Variants in TOX2 observed in about 807,000 individuals in gnomAD.
The protein encoded by TOX2 is granulosa cell HMG box 1.
TOX2 carries 15 observed loss-of-function variants against 47.4 expected under a neutral mutation model. The ratio of observed to expected loss-of-function variants is 0.32; its 90% CI spans 0.21 to 0.49. The LOEUF (loss-of-function observed/expected upper bound fraction) is 0.49. Ranked by LOEUF, TOX2 falls within the 20% of genes least tolerant of loss-of-function variation. The probability of loss-of-function intolerance (pLI) is 0.99; values close to 1 mark genes in which losing one functional copy is unlikely to be tolerated. For synonymous variants in TOX2, 290 were observed against 296.6 expected (o/e 0.98, Z 0.23); for missense variants, 622 against 673.1 (o/e 0.92, Z 0.84).
chr20:43,989,406 C>A (rs2070329375), intron 2 of TOX2, among the ~76,000 whole-genome samples: 1 of 152,192 alleles, frequency 6.6e-6, no homozygotes, highest in Non-Finnish European at 1.5e-5. Flanking sequence ...GGAGCCCAGT[C>A]CCTTCTATTT....
chr20:43,977,171 C>T (rs760609928), intron 2 of TOX2, among the ~76,000 whole-genome samples: 5 of 152,128 alleles, frequency 3.3e-5, no homozygotes, highest in African/African-American at 4.8e-5. Context: ...AGCTTGATCT[C>T]GGCTCACTGC....
intron 3 of TOX2, among the ~76,000 whole-genome samples, chr20:44,042,602 G>A (rs576991191): frequency 2.0e-5 from 3 of 152,272 alleles, no homozygotes; most frequent in Admixed American, 6.5e-5. Context: ...TGAAGAAAGT[G>A]GAAAATGTTC....
At chr20:43,954,134 C>T (rs907852929) in intron 1 of TOX2, among the ~76,000 whole-genome samples, 2 of 152,312 alleles carry the variant, frequency 1.3e-5, no homozygotes, top group African/African-American at 2.4e-5. Context: ...CCCCAAATCA[C>T]GTCCTTGCCT....
intron 1 of TOX2, chr20:43,945,843 G>A: frequency 6.3e-7 from 1 of 1,594,204 alleles, no homozygotes; most frequent in Admixed American, 1.7e-5. Flanking sequence ...GCCAATAGAG[G>A]ACCAAGAGTT....
Position 44,059,839 on chromosome 20 carries a change from A to C in TOX2, c.880-4938A>C, listed in dbSNP as rs1486743419. On this transcript the variant is annotated intron_variant, in intron 5 of 8. Coordinates refer to ENST00000341197, the MANE Select transcript of TOX2 (RefSeq NM_001098797.2). The stretch of plus-strand genomic sequence containing the variant: ...CTCACAGGACCTCTAAAATAATAAC[A>C]CAATTTTTTAAAAACCACAAGGTAT... 2.6e-5 allele frequency among the ~76,000 whole-genome samples: 4 copies of C among 152,206 alleles called. No individual in the cohort carries two copies. The East Asian group carries it at 7.7e-4, about 29-fold the overall frequency.
Position 44,068,754 on chromosome 20 carries a change from G to C in TOX2, c.*68G>C, listed in dbSNP as rs2071881691. ...CTCAGAGCCTGAAGGGCTGACAGCA[G>C]AAAAGAGGCCCTGGCCAGAGGCAGG... On this transcript the variant is annotated 3_prime_UTR_variant, in exon 9 of 9. Coordinates refer to ENST00000341197, the MANE Select transcript of TOX2 (RefSeq NM_001098797.2). 6.2e-7 allele frequency: 1 copy of C among 1,604,664 alleles called. No homozygotes were observed. Among genetic ancestry groups the C allele is most frequent in the Non-Finnish European group, 8.5e-7 (1 of 1,173,808 alleles).
At chr20:44,005,897 A>T (rs1453902773) in intron 2 of TOX2, among the ~76,000 whole-genome samples, 1 of 151,956 alleles carries the variant, frequency 6.6e-6, no homozygotes, top group South Asian at 2.1e-4. Flanking sequence ...CACCATTTCT[A>T]TTCAGCGTTG....
chr20:43,957,753 C>T (rs938626837), intron 1 of TOX2, among the ~76,000 whole-genome samples: 9 of 152,072 alleles, frequency 5.9e-5, no homozygotes, highest in Admixed American at 3.3e-4. Context: ...ATTTGGCTCA[C>T]GATTCTGTGA....
At chr20:43,965,518 A>G (rs1490465613) in intron 1 of TOX2, among the ~76,000 whole-genome samples, 1 of 152,146 alleles carries the variant, frequency 6.6e-6, no homozygotes, top group Non-Finnish European at 1.5e-5. Flanking sequence ...TCGTTCAATG[A>G]ACAGTGATTG....
chr20:43,937,163 G>A lies in TOX2; in HGVS notation c.99+22173G>A, dbSNP rs532048036. Among the ~76,000 whole-genome samples the A allele has an allele frequency of 1.1e-4, 17 of 152,312 alleles. No individual in the cohort carries two copies. In the South Asian group the frequency reaches 3.1e-3, roughly 28 times the overall value. On this transcript the variant is annotated intron_variant, in intron 1 of 8. Coordinates refer to ENST00000341197, the MANE Select transcript of TOX2 (RefSeq NM_001098797.2). ...CTAGGAGTTGCTAGATGATGGGCACGGGGGAAGCATTCCAGGCAGGGAAGA... is the reference window on the plus strand; with the variant it reads ...CTAGGAGTTGCTAGATGATGGGCACAGGGGAAGCATTCCAGGCAGGGAAGA...
At chr20:43,926,902 G>T (rs534888674) in intron 1 of TOX2, among the ~76,000 whole-genome samples, 2 of 152,194 alleles carry the variant, frequency 1.3e-5, no homozygotes, top group East Asian at 3.9e-4. Context: ...AGTGGTCCAC[G>T]AAGGTGGCCA....
chr20:44,022,145 G>A (rs2070985962), intron 3 of TOX2, among the ~76,000 whole-genome samples: 1 of 152,152 alleles, frequency 6.6e-6, no homozygotes. Context: ...CCCTTAACCG[G>A]GACTCTCCTT....
At chr20:43,957,567 CTTTTTTTT>C (rs35133028) in intron 1 of TOX2, among the ~76,000 whole-genome samples, 3 of 105,796 alleles carry the variant, frequency 2.8e-5, no homozygotes, top group Admixed American at 1.0e-4. Context: ...TAAATGCCCT[CTTTTTTTT>C]TTTTTTTTTT....
At chr20:43,946,058 C>T (rs760502711) in intron 1 of TOX2, 25 of 1,612,468 alleles carry the variant, frequency 1.6e-5, no homozygotes, top group African/African-American at 1.3e-5. Flanking sequence ...GGGTGCCCAC[C>T]GCCCCATGAG....
At chr20:44,066,489 G>A (rs1462066058) in intron 7 of TOX2, among the ~76,000 whole-genome samples, 1 of 152,284 alleles carries the variant, frequency 6.6e-6, no homozygotes, top group Non-Finnish European at 1.5e-5. Flanking sequence ...TTTACAGATC[G>A]AGAAACTGAG....
intron 2 of TOX2, among the ~76,000 whole-genome samples, chr20:43,992,958 C>T (rs1398922943): frequency 3.3e-5 from 5 of 152,030 alleles, no homozygotes; most frequent in South Asian, 2.1e-4. Flanking sequence ...AAACTGAGCT[C>T]GTGGTCCTCC....
chr20:43,978,862 A>G (rs2070125121), intron 2 of TOX2, among the ~76,000 whole-genome samples: 1 of 152,088 alleles, frequency 6.6e-6, no homozygotes, highest in South Asian at 2.1e-4. Context: ...TCTCAATGAC[A>G]AGAATGAATA....
At chr20:43,989,009 CAGTT>C (rs1382947034) in intron 2 of TOX2, among the ~76,000 whole-genome samples, 1 of 152,206 alleles carries the variant, frequency 6.6e-6, no homozygotes, top group African/African-American at 2.4e-5. Flanking sequence ...ATTTGAACCA[CAGTT>C]AGTCTGAGTC....
At position 44,012,085 on chromosome 20, in the gene TOX2, G is replaced by A. The variant is rs936171177; in HGVS notation, c.411+5293G>A. Among the ~76,000 whole-genome samples, 4 of 152,330 alleles carry A rather than the reference G, an allele frequency of 2.6e-5. No individual in the cohort carries two copies. The South Asian group carries it at 8.3e-4, about 32-fold the overall frequency. On this transcript the variant is annotated intron_variant, in intron 3 of 8. Coordinates refer to ENST00000341197, the MANE Select transcript of TOX2 (RefSeq NM_001098797.2). Reference sequence around the variant, plus strand: ...AATTTAAAGTGCTGCACCTCTGTCTGACCCTGATTTTCATAACTCAATAAT... The same window carrying A: ...AATTTAAAGTGCTGCACCTCTGTCTAACCCTGATTTTCATAACTCAATAAT...
Sources: gnomAD v4.1 joint callset for allele counts (sites outside exome capture counted in the v4.1 genomes callset) on GRCh38, gnomAD v4.1.1 for gene constraint, MANE v1.5 for transcripts, NCBI Gene and HGNC (gene_info 2026-07-23, HGNC 2026-07-21) for gene names.